CD109: variants seen among roughly 807,000 people sequenced by gnomAD.
CD109 encodes the protein CD109 molecule.
Under a neutral mutation model 165.8 loss-of-function variants are expected in CD109, and 149 were observed. The observed-to-expected ratio is 0.90, with a 90% CI of 0.79 to 1.03. The LOEUF is 1.03. CD109 is among the 50% of genes least tolerant of loss of function. The pLI is 0.00. For synonymous variants in CD109, 585 were observed against 592.1 expected, an observed-to-expected ratio of 0.99 and a Z score of 0.18; for missense variants, 1,712 against 1,677.8, an observed-to-expected ratio of 1.02 and a Z score of -0.36.
chr6:73,785,958 C>G, intron 20 of CD109, among the ~76,000 whole-genome samples: 1 of 151,890 alleles, frequency 6.6e-6, no homozygotes, highest in East Asian at 1.9e-4. Flanking sequence ...GATTCTCCTG[C>G]CTCAGCCTCC....
chr6:73,773,999 G>C (rs1774144417), intron 15 of CD109, among the ~76,000 whole-genome samples: 1 of 151,976 alleles, frequency 6.6e-6, no homozygotes, highest in East Asian at 1.9e-4. Context: ...TCATTCATTA[G>C]CTGTATTTTA....
rs774473914 is a variant in CD109 at position 73,810,195 on chromosome 6, C to A, written c.3546+21C>A. On this transcript the variant is annotated intron_variant, in intron 27 of 32. Coordinates refer to ENST00000287097, the MANE Select transcript of CD109 (RefSeq NM_133493.5). ...CTCAGGTGAGAGATGATAGTTTTTT[C>A]CCTTTAAACTATAATATATAATATA... The A allele has an allele frequency of 2.3e-6, 3 of 1,307,954 alleles. No individual in the cohort carries two copies. The South Asian group carries it at 4.6e-5, about 20-fold the overall frequency. The allele number at this position is 1,307,954 out of a possible 1,614,324, so 81.0% of individuals were successfully genotyped here.
At chr6:73,758,799 G>C in intron 6 of CD109, 145 bp from the exon 7 acceptor site, 1 of 654,170 alleles carries the variant, frequency 1.5e-6, no homozygotes, top group Non-Finnish European at 2.7e-6. Context: ...AGTTCAAATA[G>C]TACAAATTAT....
intron 7 of CD109, among the ~76,000 whole-genome samples, chr6:73,761,998 T>G (rs1773653600): frequency 6.6e-6 from 1 of 152,104 alleles, no homozygotes. Flanking sequence ...TGTCTTGCTG[T>G]GTTGTCCAGG....
intron 22 of CD109, among the ~76,000 whole-genome samples, chr6:73,791,451 C>G (rs1322597718): frequency 6.6e-6 from 1 of 151,318 alleles, no homozygotes; most frequent in Non-Finnish European, 1.5e-5. Context: ...CTGGGACATG[C>G]ACTACACATA....
At position 73,751,569 on chromosome 6, in the gene CD109, T is replaced by C. The variant is rs117819374; in HGVS notation, c.634-5074T>C. On this transcript the variant is annotated intron_variant, in intron 5 of 32. Transcript: ENST00000287097. ...TCTCTGATCCTGAACATTCAGGAGA[T>C]GCAGACCACTCCTAGCATAGCACAC... 2.5e-3 allele frequency among the ~76,000 whole-genome samples: 378 copies of C among 152,320 alleles called. 3 individuals are homozygous for C. Among genetic ancestry groups the C allele is most frequent in the South Asian group, 0.013 (65 of 4,826 alleles).
At chr6:73,792,336 T>A (rs550672298) in intron 22 of CD109, among the ~76,000 whole-genome samples, 1 of 152,336 alleles carries the variant, frequency 6.6e-6, no homozygotes, top group African/African-American at 2.4e-5. Flanking sequence ...TACATTTTTT[T>A]AAAGATTTTT....
intron 3 of CD109, among the ~76,000 whole-genome samples, chr6:73,727,356 A>G (rs1772178894): frequency 6.6e-6 from 1 of 152,136 alleles, no homozygotes; most frequent in Non-Finnish European, 1.5e-5. Context: ...ACCAAGGCCC[A>G]TATTGTCATC....
the CD109 span, among the ~76,000 whole-genome samples, chr6:73,680,455 A>C: frequency 4.3e-4 from 66 of 152,292 alleles, no homozygotes; most frequent in South Asian, 9.7e-3. Flanking sequence ...TGATAGAAAT[A>C]ATTGACCTCA....
intron 20 of CD109, among the ~76,000 whole-genome samples, chr6:73,786,262 T>C (rs1238238792): frequency 1.3e-5 from 2 of 152,228 alleles, no homozygotes. Flanking sequence ...GTTTGTGTTG[T>C]GCCCACAGTA....
At chr6:73,702,075 C>T (rs1771105840) in intron 2 of CD109, among the ~76,000 whole-genome samples, 2 of 152,184 alleles carry the variant, frequency 1.3e-5, no homozygotes, top group South Asian at 4.1e-4. Flanking sequence ...CTTCCATCTT[C>T]CCATTGAGTT....
intron 23 of CD109, among the ~76,000 whole-genome samples, chr6:73,794,755 AC>A (rs1370513019): frequency 6.6e-6 from 1 of 152,162 alleles, no homozygotes; most frequent in Non-Finnish European, 1.5e-5. Context: ...GACCATGCAG[AC>A]ACTATGACCG....
chr6:73,708,267 C>A (rs375304291), intron 2 of CD109, among the ~76,000 whole-genome samples: 1 of 151,678 alleles, frequency 6.6e-6, no homozygotes, highest in Non-Finnish European at 1.5e-5. Context: ...TTTGTCCTTG[C>A]GATAGTTTGC....
At chr6:73,767,304 G>A (rs192781896) in intron 13 of CD109, among the ~76,000 whole-genome samples, 1 of 152,230 alleles carries the variant, frequency 6.6e-6, no homozygotes, top group Non-Finnish European at 1.5e-5. Flanking sequence ...GAGAATATGT[G>A]GTATTTGGTT....
intron 30 of CD109, among the ~76,000 whole-genome samples, chr6:73,815,343 C>A (rs1775901900): frequency 1.3e-5 from 2 of 152,096 alleles, no homozygotes; most frequent in South Asian, 4.1e-4. Flanking sequence ...GGACGTATAA[C>A]ACATTTGAAT....
At chr6:73,784,547 C>G (rs545702095) in intron 19 of CD109, among the ~76,000 whole-genome samples, 2 of 152,132 alleles carry the variant, frequency 1.3e-5, no homozygotes, top group African/African-American at 2.4e-5. Flanking sequence ...CCACTAACTA[C>G]CTATAGCACC....
At chr6:73,808,282 T>C in intron 26 of CD109, 34 bp downstream of exon 26, 2 of 1,577,270 alleles carry the variant, frequency 1.3e-6, no homozygotes, top group Non-Finnish European at 1.7e-6. Flanking sequence ...GTTGTTATGC[T>C]TTATGAAATA....
intron 26 of CD109, 125 bp downstream of exon 26, chr6:73,808,373 A>C: frequency 2.1e-6 from 2 of 930,578 alleles, no homozygotes; most frequent in Non-Finnish European, 1.6e-6. Flanking sequence ...AAAACACATA[A>C]TGAGATCAGG....
chr6:73,755,825 G>C (rs1391430653), intron 5 of CD109, among the ~76,000 whole-genome samples: 1 of 151,852 alleles, frequency 6.6e-6, no homozygotes, highest in Non-Finnish European at 1.5e-5. Context: ...GCTGGGCATA[G>C]TGACTTGCCC....
Sources: gnomAD v4.1 joint callset for allele counts (sites outside exome capture counted in the v4.1 genomes callset) on GRCh38, gnomAD v4.1.1 for gene constraint, MANE v1.5 for transcripts, NCBI Gene and HGNC (gene_info 2026-07-23, HGNC 2026-07-21) for gene names.